The following CAB39 variants were observed in gnomAD, a reference collection of about 807,000 sequenced individuals.
CAB39 encodes the protein calcium binding protein 39, also known as calcium-binding protein 39.
A neutral mutation model predicts 40.0 loss-of-function variants in CAB39; 8 were observed. The observed-to-expected ratio is 0.20, with a 90% confidence interval of 0.12 to 0.36. CAB39 has a LOEUF of 0.36. Among genes scored for constraint, CAB39 ranks in the 10% least tolerant of loss-of-function variants. The pLI, the probability that CAB39 is intolerant of heterozygous loss-of-function variation, is 1.00. For missense variants in CAB39, 270 were observed against 401.1 expected (o/e 0.67, Z 2.79); for synonymous variants, 156 against 141.6 (o/e 1.10, Z -0.72).
At chr2:230,715,740 TC>T (rs1387113734) in intron 1 of CAB39, among the ~76,000 whole-genome samples, 3 of 152,238 alleles carry the variant, frequency 2.0e-5, no homozygotes, top group African/African-American at 7.2e-5. Context: ...TCTCACTCGG[TC>T]GCTCAGGCCG....
At chr2:230,794,579 C>T (rs1163032793) in intron 4 of CAB39, among the ~76,000 whole-genome samples, 1 of 152,164 alleles carries the variant, frequency 6.6e-6, no homozygotes, top group South Asian at 2.1e-4. Flanking sequence ...TCAAGAAAGA[C>T]TTTTGAGATA....
rs140307012 is a variant in CAB39 at position 230,799,978 on chromosome 2, C to T, written c.567+1081C>T. Among the ~76,000 whole-genome samples, 815 of 149,556 alleles carry T rather than the reference C, an allele frequency of 5.4e-3. 1 individual carries two copies. Among genetic ancestry groups the T allele is most frequent in the African/African-American group, 0.018 (734 of 40,458 alleles). On this transcript the variant is annotated intron_variant, in intron 5 of 8. Coordinates refer to ENST00000258418, the MANE Select transcript of CAB39 (RefSeq NM_016289.4). ...TGCACTCCAGCCTGGGCAACAAAAG[C>T]GAAACTCCATCTCAAAAAAAAAAAA...
At position 230,773,847 on chromosome 2, in the gene CAB39, G is replaced by A. The variant is rs534960593; in HGVS notation, c.114+13732G>A. On this transcript the variant is annotated intron_variant, in intron 2 of 8. Transcript: ENST00000258418. ...AAGTCCAATTTTGTCTTGATATTAG[G>A]AAAAACAGTAAGTGGAAGCTGACTT... Among the ~76,000 whole-genome samples, 3 of 152,272 alleles carry A rather than the reference G, an allele frequency of 2.0e-5. No homozygotes were observed. In the East Asian group the frequency reaches 5.8e-4, roughly 29 times the overall value.
At chr2:230,715,900 A>G (rs558663211) in intron 1 of CAB39, among the ~76,000 whole-genome samples, 6 of 152,114 alleles carry the variant, frequency 3.9e-5, no homozygotes, top group African/African-American at 7.2e-5. Flanking sequence ...GGGTCTTGCC[A>G]TGTTTCCCAG....
At chr2:230,747,811 TGCTA>T (rs1695002370) in intron 1 of CAB39, among the ~76,000 whole-genome samples, 1 of 152,220 alleles carries the variant, frequency 6.6e-6, no homozygotes, top group Non-Finnish European at 1.5e-5. Context: ...GTTAATACTT[TGCTA>T]GCTATTTCAT....
At chr2:230,759,893 G>A in intron 1 of CAB39, 66 bp from the exon 2 acceptor site, 4 of 588,926 alleles carry the variant, frequency 6.8e-6, no homozygotes, top group Non-Finnish European at 1.2e-5. Flanking sequence ...CCCAGATTAG[G>A]ATTTAGAAAG....
chr2:230,795,465 C>T (rs180878464), intron 4 of CAB39, among the ~76,000 whole-genome samples: 12 of 152,248 alleles, frequency 7.9e-5, no homozygotes. Flanking sequence ...CCACTATCTG[C>T]TAGTGATTTA....
At chr2:230,768,030 A>G (rs1201869663) in intron 2 of CAB39, among the ~76,000 whole-genome samples, 1 of 152,016 alleles carries the variant, frequency 6.6e-6, no homozygotes, top group Non-Finnish European at 1.5e-5. Flanking sequence ...TATGCTTGCT[A>G]TTTTCCCCTT....
At chr2:230,805,690 C>T (rs1041916886) in intron 5 of CAB39, among the ~76,000 whole-genome samples, 1 of 152,198 alleles carries the variant, frequency 6.6e-6, no homozygotes, top group African/African-American at 2.4e-5. Context: ...TTCATCACAA[C>T]AAGGATATGC....
At chr2:230,725,451 C>G (rs943209745) in intron 1 of CAB39, 44 of 1,477,714 alleles carry the variant, frequency 3.0e-5, no homozygotes, top group Non-Finnish European at 2.0e-5. Context: ...CGGTTCCTCC[C>G]GCCACCCGGC....
At chr2:230,749,073 A>G (rs1397513910) in intron 1 of CAB39, among the ~76,000 whole-genome samples, 2 of 149,338 alleles carry the variant, frequency 1.3e-5, no homozygotes, top group African/African-American at 2.4e-5. Flanking sequence ...AAGGTAACCA[A>G]AGAAAATTAT....
At chr2:230,778,408 C>T (rs573814715) in intron 2 of CAB39, among the ~76,000 whole-genome samples, 2 of 152,234 alleles carry the variant, frequency 1.3e-5, no homozygotes, top group East Asian at 1.9e-4. Context: ...GCTGTCTTCT[C>T]GAGTCTTCTG....
Position 230,798,882 on chromosome 2 carries a change from A to T in CAB39, c.552A>T (p.Ala184=). ...EMSTFDIASD[A]FATFKDLLTR... is the part of the protein sequence containing the mutation. ...CAACATTTGACATAGCTTCAGATGC[A>T]TTTGCCACATTCAAGGTAACAAAAA... Residue 184 remains alanine, a synonymous_variant, in exon 5 of 9, where the codon GCA becomes GCT. Coordinates refer to ENST00000258418, the MANE Select transcript of CAB39 (RefSeq NM_016289.4). The T allele has an allele frequency of 6.3e-7, 1 of 1,590,290 alleles. No individual in the cohort carries two copies. The highest frequency in any genetic ancestry group is 8.6e-7 in the Non-Finnish European group (1 of 1,163,204).
In CAB39 at chr2:230,740,609, A is replaced by G. The variant is rs573940566; in HGVS notation, c.-43-19350A>G. ...TTTCAGGATGAAACTGTGCCACCTC[A>G]GACCATCAAGCATTAGGTTCTCATA... On this transcript the variant is annotated intron_variant, in intron 1 of 8. Transcript: ENST00000258418. Among the ~76,000 whole-genome samples, 3 of 152,240 alleles carry G rather than the reference A, an allele frequency of 2.0e-5. No individual in the cohort carries two copies. The South Asian group carries it at 6.2e-4, about 32-fold the overall frequency.
intron 2 of CAB39, among the ~76,000 whole-genome samples, chr2:230,780,905 G>C (rs1695675194): frequency 6.6e-6 from 1 of 152,080 alleles, no homozygotes. Context: ...AACATAATGA[G>C]ACCCCATTGC....
chr2:230,754,090 G>C (rs1393401050), intron 1 of CAB39, among the ~76,000 whole-genome samples: 1 of 152,166 alleles, frequency 6.6e-6, no homozygotes, highest in Non-Finnish European at 1.5e-5. Context: ...GCCAGAGGCT[G>C]TGCTGTGAGT....
At chr2:230,795,925 C>CA (rs1364387983) in intron 4 of CAB39, among the ~76,000 whole-genome samples, 2 of 151,996 alleles carry the variant, frequency 1.3e-5, no homozygotes, top group Non-Finnish European at 2.9e-5. Flanking sequence ...ATTATAAACT[C>CA]ACGTTTTTGT....
At chr2:230,793,389 T>C in intron 4 of CAB39, 58 bp downstream of exon 4, 1 of 838,942 alleles carries the variant, frequency 1.2e-6, no homozygotes. Context: ...AGGATTGCCT[T>C]GGGAAAAAAA....
At chr2:230,716,197 C>T (rs1694347056) in intron 1 of CAB39, among the ~76,000 whole-genome samples, 1 of 152,172 alleles carries the variant, frequency 6.6e-6, no homozygotes, top group Non-Finnish European at 1.5e-5. Flanking sequence ...TGTAGAAGAA[C>T]TGCTAAGAAA....
Sources: allele counts gnomAD v4.1 joint callset (sites outside exome capture counted in the v4.1 genomes callset), GRCh38; gene constraint gnomAD v4.1.1; transcripts MANE v1.5; gene names NCBI Gene and HGNC (gene_info 2026-07-23, HGNC 2026-07-21).